ZMYND11: variants seen among roughly 807,000 people sequenced by gnomAD.
The protein encoded by ZMYND11 is zinc finger MYND-type containing 11.
In ZMYND11, 9 loss-of-function variants were observed where a neutral mutation model predicts 84.9. The observed-to-expected ratio is 0.11, with a 90% CI of 0.06 to 0.18. ZMYND11 has a LOEUF of 0.18. Among genes scored for constraint, ZMYND11 ranks in the 10% least tolerant of loss-of-function variants. The pLI, the probability that ZMYND11 is intolerant of heterozygous loss-of-function variation, is 1.00. For missense variants in ZMYND11, 409 were observed against 761.0 expected (o/e 0.54, Z 5.44); for synonymous variants, 250 against 244.1 (o/e 1.02, Z -0.23).
rs374927453 is a variant in ZMYND11, at chr10:248,512, T to A, written c.1404T>A (p.His468Gln). Residue 468 changes from histidine to glutamine, a missense_variant, in exon 13 of 15, where the codon CAT becomes CAA. Around this residue, in one of 7 missense-constraint regions of ZMYND11, gnomAD observed 141 missense variants for 173.8 expected, o/e 0.81. Transcript: ENST00000381604. Reference sequence around the variant, plus strand: ...ACGGCGTGTGTCAGAGCATGTGCCATGACAAATACACCAAGATCTTCAATG... The same window carrying A: ...ACGGCGTGTGTCAGAGCATGTGCCAAGACAAATACACCAAGATCTTCAATG... ...TNDGVCQSMC[H>Q]DKYTKIFNDF... 1 of 1,614,150 alleles carries A rather than the reference T, an allele frequency of 6.2e-7. No homozygotes were observed. The highest frequency in any genetic ancestry group is 1.3e-5 in the African/African-American group (1 of 75,032).
chr10:206,848 T>C, intron 2 of ZMYND11, among the ~76,000 whole-genome samples: 1 of 152,172 alleles, frequency 6.6e-6, no homozygotes, highest in South Asian at 2.1e-4. Flanking sequence ...TTAATTTTTT[T>C]ATTATTATTA....
chr10:136,787 C>G (rs1422095096), intron 1 of ZMYND11, among the ~76,000 whole-genome samples: 2 of 152,010 alleles, frequency 1.3e-5, no homozygotes, highest in Non-Finnish European at 2.9e-5. Flanking sequence ...ATGGTGTGTA[C>G]ATAGTATCCT....
upstream of ZMYND11, chr10:134,316 G>A (rs942073496): frequency 1.3e-5 from 2 of 152,212 alleles, no homozygotes; most frequent in Non-Finnish European, 2.9e-5. Context: ...CTGACTGACA[G>A]GTGTTCCCCG....
chr10:251,173 C>A (rs1333859353), intron 14 of ZMYND11, among the ~76,000 whole-genome samples: 1 of 152,060 alleles, frequency 6.6e-6, no homozygotes, highest in African/African-American at 2.4e-5. Context: ...AAATATATCC[C>A]CAGAAAGGGA....
chr10:219,626 G>C (rs1946779622), intron 3 of ZMYND11, among the ~76,000 whole-genome samples: 1 of 152,156 alleles, frequency 6.6e-6, no homozygotes, highest in African/African-American at 2.4e-5. Flanking sequence ...AAGGATGACT[G>C]TTTTAATACA....
At chr10:206,906 T>C (rs1464940347) in intron 2 of ZMYND11, among the ~76,000 whole-genome samples, 1 of 152,134 alleles carries the variant, frequency 6.6e-6, no homozygotes, top group African/African-American at 2.4e-5. Context: ...GTTTCATATG[T>C]ATACATGTGC....
chr10:251,529 C>T (rs1272792216), intron 14 of ZMYND11, among the ~76,000 whole-genome samples: 1 of 152,168 alleles, frequency 6.6e-6, no homozygotes, highest in Non-Finnish European at 1.5e-5. Context: ...TGTCTATCTA[C>T]AGAACTTTCA....
rs757775865 is a variant in ZMYND11 at position 193,040 on chromosome 10, A to C, written c.116+12912A>C. 8.3e-4 allele frequency among the ~76,000 whole-genome samples: 126 copies of C among 152,194 alleles called. 1 individual carries two copies. Among genetic ancestry groups the C allele is most frequent in the Non-Finnish European group, 1.6e-3 (108 of 68,030 alleles). ...TCTTGAACAGAAATTTTAAGTTTTG[A>C]AATGATTGTATTCAATCTCTTCTGC... is the stretch of plus-strand genomic sequence containing the variant. On this transcript the variant is annotated intron_variant, in intron 2 of 14. Transcript: ENST00000381604.
intron 1 of ZMYND11, among the ~76,000 whole-genome samples, chr10:138,054 C>G (rs770440005): frequency 6.6e-5 from 10 of 150,470 alleles, no homozygotes; most frequent in Non-Finnish European, 1.2e-4. Context: ...AAAAAGAAAT[C>G]AATTAAAATG....
rs1950822587 is a variant in ZMYND11 at position 241,111 on chromosome 10, A to AAAAAGTAACAGGGCTTGTTATCC, written c.831+143_831+165dup. 22 of 562,842 alleles carry AAAAAGTAACAGGGCTTGTTATCC rather than the reference A, an allele frequency of 3.9e-5. No individual in the cohort carries two copies. The South Asian group carries it at 5.5e-4, about 14-fold the overall frequency. 34.9% of individuals were successfully genotyped at this position (562,842 alleles called of 1,614,324 possible). A position where few individuals can be genotyped will look rare whatever the true frequency, so the allele number is the denominator to read the frequency against. On this transcript the variant is annotated intron_variant, in intron 9 of 14. Transcript: ENST00000381604. ...GGTTTAATGAGTATAAACAACTGAA[A>AAAAAGTAACAGGGCTTGTTATCC]AAAAGTAACAGGGCTTGTTATCCAT...
At chr10:145,049 A>G (rs1381534075) in intron 1 of ZMYND11, among the ~76,000 whole-genome samples, 1 of 151,154 alleles carries the variant, frequency 6.6e-6, no homozygotes, top group East Asian at 1.9e-4. Context: ...GAGTTATTTC[A>G]TTTAGAATAA....
chr10:244,336 AAATG>A (rs1450993228), intron 10 of ZMYND11: 15 of 152,334 alleles, frequency 9.8e-5, no homozygotes, highest in African/African-American at 3.1e-4. Flanking sequence ...GGAGGAAAAA[AAATG>A]AATGGTTTTG....
chr10:232,263 A>G (rs942550477), intron 4 of ZMYND11, among the ~76,000 whole-genome samples: 1 of 152,208 alleles, frequency 6.6e-6, no homozygotes, highest in Non-Finnish European at 1.5e-5. Flanking sequence ...CGCCACAGAA[A>G]GTGGCTCCAC....
chr10:169,662 C>G (rs561976335), intron 1 of ZMYND11, among the ~76,000 whole-genome samples: 1 of 152,190 alleles, frequency 6.6e-6, no homozygotes, highest in East Asian at 1.9e-4. Flanking sequence ...CTTTGGTGGG[C>G]TTATCAGTAG....
At chr10:239,657 G>C (rs553927354) in intron 7 of ZMYND11, 132 bp downstream of exon 7, 1 of 718,292 alleles carries the variant, frequency 1.4e-6, no homozygotes, top group South Asian at 2.0e-5. Flanking sequence ...AGAGTATAAG[G>C]TTAGGAATAT....
rs1263738100 is a variant in ZMYND11, at chr10:242,176, GCTTATGAAGTC to G, written c.950+42_950+52del. 8.1e-6 allele frequency: 13 copies of G among 1,607,468 alleles called. No homozygotes were observed. The African/African-American group carries it at 1.5e-4, about 18-fold the overall frequency. On this transcript the variant is annotated intron_variant, in intron 10 of 14. Coordinates refer to ENST00000381604, the MANE Select transcript of ZMYND11 (RefSeq NM_001370100.5). ...TCCCATGTTCAGCGGTCACAGCTGT[GCTTATGAAGTC>G]CTTAAGAAAGTTTGATGATTTCTCC...
rs1008973382 is a variant in ZMYND11, at chr10:242,815, T to G, written c.950+676T>G. Reference sequence around the variant, plus strand: ...CCCTGTGGTAAATTTTTACTTAGTCTTCATTAATTTAATTTAAACAGAAGT... The same window carrying G: ...CCCTGTGGTAAATTTTTACTTAGTCGTCATTAATTTAATTTAAACAGAAGT... On this transcript the variant is annotated intron_variant, in intron 10 of 14. Transcript: ENST00000381604. 7.7e-4 allele frequency among the ~76,000 whole-genome samples: 117 copies of G among 152,320 alleles called. 1 individual carries two copies. Among genetic ancestry groups the G allele is most frequent in the African/African-American group, 2.7e-3 (113 of 41,570 alleles).
At chr10:139,524 C>G (rs1487753165) in intron 1 of ZMYND11, among the ~76,000 whole-genome samples, 4 of 152,080 alleles carry the variant, frequency 2.6e-5, no homozygotes, top group Non-Finnish European at 5.9e-5. Flanking sequence ...GGTTGTTCAT[C>G]AGGTTTTCAG....
intron 2 of ZMYND11, among the ~76,000 whole-genome samples, chr10:209,033 A>G (rs1028783427): frequency 1.3e-5 from 2 of 151,864 alleles, no homozygotes; most frequent in African/African-American, 4.8e-5. Flanking sequence ...ATATATATGT[A>G]TATGTATATA....
Sources: gnomAD v4.1 joint callset for allele counts (sites outside exome capture counted in the v4.1 genomes callset) on GRCh38, gnomAD v4.1.1 for gene constraint, gnomAD v4.1.1 regional missense constraint, MANE v1.5 for transcripts, NCBI Gene and HGNC (gene_info 2026-07-23, HGNC 2026-07-21) for gene names.